PDE12: variants seen among roughly 807,000 people sequenced by gnomAD.
The protein encoded by PDE12 is phosphodiesterase 12.
PDE12 carries 26 observed loss-of-function variants against 45.4 expected under a neutral mutation model. The observed-to-expected ratio is 0.57, with a 90% confidence interval of 0.42 to 0.79. PDE12 has a LOEUF of 0.79. Among genes scored for constraint, PDE12 ranks in the 30% least tolerant of loss-of-function variants. The pLI, the probability that PDE12 is intolerant of heterozygous loss-of-function variation, is 0.00. For missense variants in PDE12, 668 were observed against 790.0 expected, an observed-to-expected ratio of 0.85 and a Z score of 1.85; for synonymous variants, 283 against 323.9, an observed-to-expected ratio of 0.87 and a Z score of 1.36.
chr3:57,604,611 T>G, the PDE12 span, among the ~76,000 whole-genome samples: 1 of 38,562 alleles, frequency 2.6e-5, no homozygotes, highest in Non-Finnish European at 6.8e-5. Context: ...CTTTTTTTTT[T>G]TTTTTTGGGG....
the PDE12 span, among the ~76,000 whole-genome samples, chr3:57,595,924 C>T: frequency 7.3e-5 from 11 of 151,384 alleles, no homozygotes; most frequent in Non-Finnish European, 1.5e-4. Context: ...GCACTCCAGC[C>T]TGGGTGACAA....
At chr3:57,631,462 G>A in the PDE12 span, among the ~76,000 whole-genome samples, 1 of 152,110 alleles carries the variant, frequency 6.6e-6, no homozygotes, top group East Asian at 1.9e-4. Context: ...CCAAAGTGCT[G>A]GGATTACAGG....
chr3:57,567,428 C>G (rs113140315), downstream of PDE12, among the ~76,000 whole-genome samples: 4 of 152,262 alleles, frequency 2.6e-5, no homozygotes, highest in African/African-American at 9.6e-5. Context: ...TGGCAGGCAT[C>G]CAATAATACA....
chr3:57,599,290 CA>C, the PDE12 span, among the ~76,000 whole-genome samples: 1 of 152,180 alleles, frequency 6.6e-6, no homozygotes, highest in Non-Finnish European at 1.5e-5. Context: ...GCGTTTATCT[CA>C]GTGAGCAGAG....
chr3:57,618,614 T>TTTTTTG, the PDE12 span, among the ~76,000 whole-genome samples: 1 of 119,878 alleles, frequency 8.3e-6, no homozygotes, highest in Non-Finnish European at 1.8e-5. Flanking sequence ...TGTGTTTTTT[T>TTTTTTG]TTTTTTTTTT....
At chr3:57,572,369 A>C in the PDE12 span, 1 of 1,176,496 alleles carries the variant, frequency 8.5e-7, no homozygotes, top group Non-Finnish European at 1.3e-6. Context: ...AAACTTTCTT[A>C]ATCAAACTTA....
At chr3:57,570,219 G>GTTTTTTTTTTTTTTTTGTTTTT (rs2069824322), downstream of PDE12, among the ~76,000 whole-genome samples, 2 of 102,330 alleles carry the variant, frequency 2.0e-5, no homozygotes, top group African/African-American at 7.7e-5. Flanking sequence ...TTAATCCAGT[G>GTTTTTTTTTTTTTTTTGTTTTT]TTTTTTTTTT....
chr3:57,630,686 T>C, the PDE12 span: 1 of 1,596,702 alleles, frequency 6.3e-7, no homozygotes, highest in Non-Finnish European at 8.5e-7. Context: ...GCACGACACA[T>C]GGGTGTAAAA....
At position 57,560,430 on chromosome 3, in the gene PDE12, A is replaced by G. The variant is rs1388457306; in HGVS notation, c.*426A>G. On this transcript the variant is annotated 3_prime_UTR_variant, in exon 3 of 3. Coordinates refer to ENST00000311180, the MANE Select transcript of PDE12 (RefSeq NM_177966.7). ...AACCTCCGCCCCCTGGGTTTAAGCG[A>G]TTCTCCTGCCTCAGCTTCCCGAGTA... 2.0e-6 allele frequency: 1 copy of G among 507,232 alleles called. No homozygotes were observed. Among genetic ancestry groups the G allele is most frequent in the Non-Finnish European group, 2.6e-6 (1 of 390,778 alleles). The allele number at this position is 507,232 out of a possible 1,614,324, so 31.4% of individuals were successfully genotyped here. A position where few individuals can be genotyped will look rare whatever the true frequency, so the allele number is the denominator to read the frequency against.
chr3:57,556,920 C>T lies in PDE12; in HGVS notation c.541C>T (p.Pro181Ser). The T allele has an allele frequency of 6.2e-7, 1 of 1,614,174 alleles. No individual in the cohort carries two copies. Among genetic ancestry groups the T allele is most frequent in the Non-Finnish European group, 8.5e-7 (1 of 1,180,046 alleles). ...CATCATGGCCGGGTTCCCTGTGTGC[C>T]CCAAACTCAGCCTCGAATTTGGGGA... ...RYIMAGFPVC[P>S]KLSLEFGDPA... The change falls in exon 1 of 3, where the codon CCC (proline) becomes TCC (serine). Residue 181 changes from proline (P) to serine (S), a missense_variant. By Grantham distance (74) the Pro-to-Ser change is moderately conservative (BLOSUM62 -1). Around this residue, in one of 3 missense-constraint regions of PDE12, gnomAD observed 580 missense variants for 662.9 expected, o/e 0.87. Transcript: ENST00000311180. This position sits in a 1 kb window ranked among gnomAD's most constrained non-coding sequence, Gnocchi z 5.0.
rs2069711726 is a variant in PDE12, at chr3:57,560,110, T to C, written c.*106T>C. The C allele has an allele frequency of 6.8e-7, 1 of 1,469,240 alleles. No homozygotes were observed. Among genetic ancestry groups the C allele is most frequent in the Admixed American group, 2.6e-5 (1 of 38,878 alleles). 91.0% of individuals were successfully genotyped at this position (1,469,240 alleles called of 1,614,324 possible). A position where few individuals can be genotyped will look rare whatever the true frequency, so the allele number is the denominator to read the frequency against. On this transcript the variant is annotated 3_prime_UTR_variant, in exon 3 of 3. Transcript: ENST00000311180. Reference sequence around the variant, plus strand: ...TAAACTTCAAGGAGGAATGGTAAAATGTTCAGCCCTCCTAGTTATGTTCCT... The same window carrying C: ...TAAACTTCAAGGAGGAATGGTAAAACGTTCAGCCCTCCTAGTTATGTTCCT...
the PDE12 span, chr3:57,631,112 A>G: frequency 1.2e-5 from 8 of 690,324 alleles, no homozygotes; most frequent in Non-Finnish European, 2.0e-5. Context: ...ATCACTCCCC[A>G]CAAGAGATAT....
chr3:57,650,218 A>G, the PDE12 span, among the ~76,000 whole-genome samples: 1 of 152,028 alleles, frequency 6.6e-6, no homozygotes, highest in Admixed American at 6.6e-5. Context: ...GGGTATATCA[A>G]AATCTCAGAA....
chr3:57,560,062 T>G lies in PDE12; in HGVS notation c.*58T>G. The G allele has an allele frequency of 6.5e-7, 1 of 1,530,308 alleles. No homozygotes were observed. Among genetic ancestry groups the G allele is most frequent in the Non-Finnish European group, 8.7e-7 (1 of 1,148,386 alleles). The allele number at this position is 1,530,308 out of a possible 1,614,324, so 94.8% of individuals were successfully genotyped here. On this transcript the variant is annotated 3_prime_UTR_variant, in exon 3 of 3. Coordinates refer to ENST00000311180, the MANE Select transcript of PDE12 (RefSeq NM_177966.7). ...GAAGTAGTTATTTTAGCAGAAAATT[T>G]AATATGAATCAAAGCTTATATGTAA...
chr3:57,603,910 C>T, the PDE12 span, among the ~76,000 whole-genome samples: 1 of 151,802 alleles, frequency 6.6e-6, no homozygotes, highest in Non-Finnish European at 1.5e-5. Context: ...GCGTGAGCCA[C>T]TGCACCCAGC....
At chr3:57,578,390 TA>T in the PDE12 span, among the ~76,000 whole-genome samples, 60 of 142,204 alleles carry the variant, frequency 4.2e-4, no homozygotes, top group East Asian at 6.0e-4. Context: ...CCCTATCTCT[TA>T]AAAAAAAAAA....
At chr3:57,597,049 G>T in the PDE12 span, 8 of 1,611,702 alleles carry the variant, frequency 5.0e-6, no homozygotes, top group East Asian at 1.6e-4. Context: ...CCCAGGTCCC[G>T]CCTGACTCGC....
chr3:57,584,803 C>G, the PDE12 span, among the ~76,000 whole-genome samples: 1 of 150,960 alleles, frequency 6.6e-6, no homozygotes, highest in Non-Finnish European at 1.5e-5. Context: ...GGGACTGGAT[C>G]AGATCATCTA....
At chr3:57,580,773 T>A in the PDE12 span, among the ~76,000 whole-genome samples, 1 of 144,438 alleles carries the variant, frequency 6.9e-6, no homozygotes, top group African/African-American at 2.5e-5. Flanking sequence ...CCATTTTTAT[T>A]CTTTTTTTTT....
Sources: allele counts gnomAD v4.1 joint callset (sites outside exome capture counted in the v4.1 genomes callset), GRCh38; gene constraint gnomAD v4.1.1; regional missense constraint gnomAD v4.1.1; non-coding constraint Gnocchi (gnomAD v3.1); transcripts MANE v1.5; gene names NCBI Gene and HGNC (gene_info 2026-07-23, HGNC 2026-07-21).